THSD7A: variants seen among roughly 807,000 people sequenced by gnomAD.
The protein encoded by THSD7A is thrombospondin type 1 domain containing 7A.
THSD7A carries 96 observed loss-of-function variants against 231.3 expected under a neutral mutation model. That is an observed-to-expected ratio of 0.41 (90% CI 0.35 to 0.49). The LOEUF is 0.49. Ranked by LOEUF, THSD7A falls within the 20% of genes least tolerant of loss-of-function variation. The pLI is 0.05. For missense variants in THSD7A, 2,290 were observed against 2,070.2 expected (o/e 1.11, Z -2.06); for synonymous variants, 940 against 743.3 (o/e 1.26, Z -4.30).
At chr7:11,447,860 G>C (rs891083950) in intron 11 of THSD7A, among the ~76,000 whole-genome samples, 14 of 152,094 alleles carry the variant, frequency 9.2e-5, no homozygotes, top group African/African-American at 2.7e-4. Flanking sequence ...TATATCATTG[G>C]ACACCCTAGA....
At chr7:11,376,694 G>C (rs1044309033) in intron 26 of THSD7A, 37 bp from the exon 27 acceptor site, 76 of 1,468,582 alleles carry the variant, frequency 5.2e-5, no homozygotes, top group Non-Finnish European at 6.7e-5. Flanking sequence ...ATTTACATTA[G>C]TCTGGTATAC....
chr7:11,739,274 G>A (rs564138899), intron 1 of THSD7A, among the ~76,000 whole-genome samples: 1 of 152,098 alleles, frequency 6.6e-6, no homozygotes, highest in Non-Finnish European at 1.5e-5. Flanking sequence ...CAGTGAATAA[G>A]AGCCTTGAAA....
chr7:11,615,923 T>C (rs1206200962), intron 2 of THSD7A, among the ~76,000 whole-genome samples: 1 of 152,210 alleles, frequency 6.6e-6, no homozygotes, highest in East Asian at 1.9e-4. Context: ...TCTTCTATTT[T>C]CTTCCATTAT....
chr7:11,530,213 C>G (rs547060790), intron 6 of THSD7A, among the ~76,000 whole-genome samples: 2 of 152,190 alleles, frequency 1.3e-5, no homozygotes, highest in East Asian at 3.9e-4. Context: ...AATACAGGAG[C>G]TATTTTGCTC....
intron 11 of THSD7A, among the ~76,000 whole-genome samples, chr7:11,458,139 A>G (rs763935327): frequency 4.6e-5 from 7 of 152,084 alleles, no homozygotes; most frequent in Non-Finnish European, 1.0e-4. Context: ...GTCTTTGTTG[A>G]TTGATTTAAT....
intron 1 of THSD7A, among the ~76,000 whole-genome samples, chr7:11,657,452 G>A (rs1383693242): frequency 6.6e-6 from 1 of 151,690 alleles, no homozygotes; most frequent in African/African-American, 2.4e-5. Flanking sequence ...GGTTGTAGAA[G>A]GTGTGGAACC....
At chr7:11,651,930 T>C (rs989128300) in intron 1 of THSD7A, among the ~76,000 whole-genome samples, 12 of 151,914 alleles carry the variant, frequency 7.9e-5, no homozygotes, top group African/African-American at 2.7e-4. Context: ...TTTTAGCCAA[T>C]AAATAATAAA....
At chr7:11,743,791 C>G (rs1204137255) in intron 1 of THSD7A, among the ~76,000 whole-genome samples, 1 of 151,828 alleles carries the variant, frequency 6.6e-6, no homozygotes, top group Admixed American at 6.6e-5. Context: ...AAGAAAGCCC[C>G]TTTTGCCTAT....
chr7:11,519,918 C>G (rs1217417177), intron 6 of THSD7A: 1 of 152,120 alleles, frequency 6.6e-6, no homozygotes, highest in Non-Finnish European at 1.5e-5. Flanking sequence ...TTTCAGATGG[C>G]CCTTCTGCTC....
intron 9 of THSD7A, among the ~76,000 whole-genome samples, chr7:11,463,107 C>A (rs1209007963): frequency 1.3e-5 from 2 of 152,064 alleles, no homozygotes; most frequent in African/African-American, 4.8e-5. Flanking sequence ...ACTACAGGAA[C>A]AGAAATATTT....
intron 9 of THSD7A, among the ~76,000 whole-genome samples, chr7:11,468,767 G>C (rs1785812737): frequency 6.6e-6 from 1 of 152,150 alleles, no homozygotes; most frequent in Non-Finnish European, 1.5e-5. Context: ...CCAGGAGGCT[G>C]AGGTTGCAAT....
At chr7:11,432,632 A>C (rs1449331235) in intron 13 of THSD7A, among the ~76,000 whole-genome samples, 5 of 152,058 alleles carry the variant, frequency 3.3e-5, no homozygotes, top group African/African-American at 1.2e-4. Context: ...ACGTTGGTGC[A>C]TATTGCTGAA....
intron 1 of THSD7A, among the ~76,000 whole-genome samples, chr7:11,697,606 T>C (rs1780442545): frequency 6.6e-6 from 1 of 151,334 alleles, no homozygotes; most frequent in African/African-American, 2.4e-5. Context: ...GTTCTTGAGC[T>C]GTTTATTAGA....
chr7:11,412,175 T>C (rs1783808881), intron 18 of THSD7A, among the ~76,000 whole-genome samples: 1 of 152,198 alleles, frequency 6.6e-6, no homozygotes, highest in Non-Finnish European at 1.5e-5. Flanking sequence ...AAAATACTCA[T>C]CAATTTTTAC....
At chr7:11,537,970 T>C (rs971978161) in intron 6 of THSD7A, among the ~76,000 whole-genome samples, 32 of 152,214 alleles carry the variant, frequency 2.1e-4, no homozygotes, top group Non-Finnish European at 4.1e-4. Context: ...CATTCAAGAA[T>C]GGCACAATAC....
At chr7:11,480,429 A>C (rs1378403528) in intron 7 of THSD7A, among the ~76,000 whole-genome samples, 1 of 152,204 alleles carries the variant, frequency 6.6e-6, no homozygotes, top group Non-Finnish European at 1.5e-5. Context: ...CCACAGATCT[A>C]ATTTTAATGA....
At chr7:11,724,285 T>C (rs903852990) in intron 1 of THSD7A, among the ~76,000 whole-genome samples, 4 of 151,972 alleles carry the variant, frequency 2.6e-5, no homozygotes, top group African/African-American at 9.7e-5. Context: ...ATTTCTAGTA[T>C]AGGATTCAAT....
rs557824361 is a variant in THSD7A at position 11,383,744 on chromosome 7, A to G, written c.4412-1128T>C. ...AGGACATTTGGATCTCCTGGTATGC[A>G]AGCTGCTTATTTAAACATTTGGCCT... On this transcript the variant is annotated intron_variant, in intron 23 of 27. Transcript: ENST00000423059. The G allele has an allele frequency of 2.0e-5, 3 of 152,130 alleles. No homozygotes were observed. In the East Asian group the frequency reaches 5.8e-4, roughly 29 times the overall value. The allele number at this position is 152,130 out of a possible 1,614,324, so 9.4% of individuals were successfully genotyped here.
chr7:11,712,849 T>C (rs1321153860), intron 1 of THSD7A, among the ~76,000 whole-genome samples: 1 of 151,110 alleles, frequency 6.6e-6, no homozygotes, highest in African/African-American at 2.4e-5. Flanking sequence ...TTTCTTAAAA[T>C]GTAAGTCAAA....
Sources: gnomAD v4.1 joint callset for allele counts (sites outside exome capture counted in the v4.1 genomes callset) on GRCh38, gnomAD v4.1.1 for gene constraint, MANE v1.5 for transcripts, NCBI Gene and HGNC (gene_info 2026-07-23, HGNC 2026-07-21) for gene names.